The following SETD2 variants were observed in gnomAD, a reference collection of about 807,000 sequenced individuals.
The protein encoded by SETD2 is SET domain containing 2, histone lysine methyltransferase.
Under a neutral mutation model 242.1 loss-of-function variants are expected in SETD2, and 31 were observed. The observed-to-expected ratio is 0.13, with a 90% CI of 0.10 to 0.17. SETD2 has a LOEUF of 0.17. Among genes scored for constraint, SETD2 ranks in the 10% least tolerant of loss-of-function variants. SETD2 has a pLI of 1.00. For missense variants in SETD2, 2,481 were observed against 3,046.3 expected, an observed-to-expected ratio of 0.81 and a Z score of 4.37; for synonymous variants, 1,006 against 1,066.5, an observed-to-expected ratio of 0.94 and a Z score of 1.11.
chr3:47,140,285 G>A (rs2043696037), intron 1 of SETD2, among the ~76,000 whole-genome samples: 1 of 152,124 alleles, frequency 6.6e-6, no homozygotes, highest in Admixed American at 6.6e-5. Context: ...TAAAGTGAAT[G>A]ATATTCACCT....
chr3:47,122,096 A>C lies in SETD2; in HGVS notation c.2540T>G (p.Phe847Cys). The change falls in exon 3 of 21, where the codon TTT becomes TGT. Residue 847 changes from phenylalanine to cysteine, a missense_variant. Around this residue, in one of 17 missense-constraint regions of SETD2, gnomAD observed 1,300 missense variants for 1,259.2 expected, o/e 1.03. Coordinates refer to ENST00000409792, the MANE Select transcript of SETD2 (RefSeq NM_014159.7). Reference protein sequence around the residue: ...DSRNLTDHSKFACEEYKQSIG... With the variant: ...DSRNLTDHSKCACEEYKQSIG... The stretch of plus-strand genomic sequence containing the variant: ...GCTCTGCTTATATTCTTCACATGCA[A>C]ATTTTGAGTGATCTGTCAAATTTCT... The C allele has an allele frequency of 6.2e-7, 1 of 1,613,962 alleles. No homozygotes were observed. The highest frequency in any genetic ancestry group is 1.1e-5 in the South Asian group (1 of 91,080).
rs1422726557 is a variant in SETD2, at chr3:47,147,908, ACT to A, written c.71+15944_71+15945del. On this transcript the variant is annotated intron_variant, in intron 1 of 20. Transcript: ENST00000409792. ...ACGCCAGCCTGGGCGACAGAGCAAGACTCTGTCTCAAAAAAAAAAAAAAAAAA... is the reference window on the plus strand; with the variant it reads ...ACGCCAGCCTGGGCGACAGAGCAAGACTGTCTCAAAAAAAAAAAAAAAAAA... Among the ~76,000 whole-genome samples, 99 of 126,202 alleles carry A rather than the reference ACT, an allele frequency of 7.8e-4. 1 individual carries two copies. Among genetic ancestry groups the A allele is most frequent in the African/African-American group, 2.8e-3 (91 of 31,984 alleles). 82.8% of individuals were successfully genotyped at this position (126,202 alleles called of 152,430 possible). A position where few individuals can be genotyped will look rare whatever the true frequency, so the allele number is the denominator to read the frequency against.
Position 47,123,549 on chromosome 3 carries a change from G to A in SETD2, c.1087C>T (p.Leu363=), listed in dbSNP as rs2106706504. The A allele has an allele frequency of 1.3e-6, 2 of 1,550,438 alleles. No homozygotes were observed. The highest frequency in any genetic ancestry group is 2.4e-5 in the South Asian group (2 of 84,054). Residue 363 remains leucine (L), a synonymous_variant, in exon 3 of 21, where the codon CTA becomes TTA. Coordinates refer to ENST00000409792, the MANE Select transcript of SETD2 (RefSeq NM_014159.7). ...GTTTTAGATCGTGAAGGTTTCCCTA[G>A]ATCCTCACTTTTTAAAGGTGCTGAG... is the stretch of plus-strand genomic sequence containing the variant. ...KSSAPLKSED[L]GKPSRSKTDR...
At chr3:47,100,936 G>T (rs1409704155) in intron 8 of SETD2, among the ~76,000 whole-genome samples, 1 of 150,346 alleles carries the variant, frequency 6.7e-6, no homozygotes, top group Non-Finnish European at 1.5e-5. Flanking sequence ...CATGAACCTG[G>T]GAGGCGGAGC....
chr3:47,034,887 G>A (rs2038931984), intron 18 of SETD2, among the ~76,000 whole-genome samples: 1 of 152,188 alleles, frequency 6.6e-6, no homozygotes, highest in Non-Finnish European at 1.5e-5. Context: ...AGAGTGAGAT[G>A]AAGTTCAGAT....
chr3:47,140,727 G>A (rs957944712), intron 1 of SETD2, among the ~76,000 whole-genome samples: 1 of 152,090 alleles, frequency 6.6e-6, no homozygotes, highest in African/African-American at 2.4e-5. Context: ...CAGGCATGGT[G>A]GCAGTCATCT....
At chr3:47,163,342 G>A (rs891268999) in intron 1 of SETD2, 2 of 152,270 alleles carry the variant, frequency 1.3e-5, no homozygotes, top group African/African-American at 4.8e-5. Flanking sequence ...ACCCGCGCTA[G>A]GCCCTTCCGG....
chr3:47,126,577 T>C (rs1241123568), intron 2 of SETD2, 71 bp downstream of exon 2: 2 of 768,542 alleles, frequency 2.6e-6, no homozygotes, highest in Non-Finnish European at 4.2e-6. Context: ...TTTTCAGCTT[T>C]TACCCAATTT....
intron 15 of SETD2, 139 bp from the exon 16 acceptor site, chr3:47,046,760 G>A (rs1575683202): frequency 1.6e-6 from 1 of 626,408 alleles, no homozygotes. Context: ...ACATAAATGT[G>A]CAAAACAATT....
intron 12 of SETD2, among the ~76,000 whole-genome samples, chr3:47,069,004 A>G (rs1335284906): frequency 6.6e-6 from 1 of 151,776 alleles, no homozygotes; most frequent in African/African-American, 2.4e-5. Flanking sequence ...CATGTTGGCC[A>G]GACTGGTCTC....
At chr3:47,159,078 C>T (rs1354052371) in intron 1 of SETD2, among the ~76,000 whole-genome samples, 1 of 151,896 alleles carries the variant, frequency 6.6e-6, no homozygotes, top group African/African-American at 2.4e-5. Context: ...AGGCTGAAGA[C>T]CAGCCTGGGG....
chr3:47,120,358 T>C lies in SETD2; in HGVS notation c.4278A>G (p.Lys1426=), dbSNP rs1297428621. ...ESDGELQDRK[K]VRVEVEQGET... is the part of the protein sequence containing the mutation. ...CTCCCTGCTCTACCTCCACTCTAAC[T>C]TTCTTTCTGTCCTGAAGCTCACCAT... Residue 1426 remains lysine, a synonymous_variant, in exon 3 of 21, where the codon AAA becomes AAG. Coordinates refer to ENST00000409792, the MANE Select transcript of SETD2 (RefSeq NM_014159.7). 1 of 1,613,258 alleles carries C rather than the reference T, an allele frequency of 6.2e-7. No homozygotes were observed. The highest frequency in any genetic ancestry group is 1.3e-5 in the African/African-American group (1 of 74,852).
intron 12 of SETD2, among the ~76,000 whole-genome samples, chr3:47,076,260 T>C (rs946465059): frequency 2.6e-5 from 4 of 152,168 alleles, no homozygotes; most frequent in Non-Finnish European, 5.9e-5. Context: ...GCAGCAGAGG[T>C]CTACTGCCTG....
At chr3:47,151,634 C>G (rs891646310) in intron 1 of SETD2, among the ~76,000 whole-genome samples, 1 of 151,998 alleles carries the variant, frequency 6.6e-6, no homozygotes, top group African/African-American at 2.4e-5. Flanking sequence ...TCGAGACCAG[C>G]CTAGCCAACA....
intron 3 of SETD2, chr3:47,119,526 C>G (rs965390931): frequency 5.8e-6 from 1 of 172,996 alleles, no homozygotes; most frequent in Non-Finnish European, 1.2e-5. Context: ...CGGCCTTTCT[C>G]GTGTTATTCT....
chr3:47,111,714 T>C (rs1418905741), intron 5 of SETD2, among the ~76,000 whole-genome samples: 4 of 148,804 alleles, frequency 2.7e-5, no homozygotes, highest in Admixed American at 6.7e-5. Flanking sequence ...CCCAAAAGGA[T>C]AGATTAATAT....
chr3:47,083,252 C>T (rs1379077080), intron 12 of SETD2, among the ~76,000 whole-genome samples: 2 of 152,092 alleles, frequency 1.3e-5, no homozygotes, highest in Admixed American at 6.6e-5. Flanking sequence ...GAAGTGAATA[C>T]GAACTAGTTC....
chr3:47,120,832 A>G lies in SETD2; in HGVS notation c.3804T>C (p.Ser1268=). The stretch of plus-strand genomic sequence containing the variant: ...TACTGTCAGGTTGCTGATACGTGGT[A>G]GAAGGCTTTTCTTGAGAGAAGTCCC... ...LGWDFSQEKP[S]TTYQQPDSSY... is the part of the protein sequence containing the mutation. The change falls in exon 3 of 21, where the codon TCT becomes TCC. Residue 1268 remains serine, a synonymous_variant. Transcript: ENST00000409792. 6.2e-7 allele frequency: 1 copy of G among 1,614,254 alleles called. No individual in the cohort carries two copies. The highest frequency in any genetic ancestry group is 8.5e-7 in the Non-Finnish European group (1 of 1,180,046).
rs564326376 is a variant in SETD2 at position 47,092,550 on chromosome 3, TAG to T, written c.5143-4305_5143-4304del. On this transcript the variant is annotated intron_variant, in intron 9 of 20. Transcript: ENST00000409792. ...ACATTATATATTTATCTGTAATTTA[TAG>T]ATAGTATATATTTACTATATATAGT... 3.2e-3 allele frequency among the ~76,000 whole-genome samples: 484 copies of T among 149,318 alleles called. 2 individuals carry two copies. Among genetic ancestry groups the T allele is most frequent in the African/African-American group, 0.011 (452 of 41,008 alleles).
Sources: allele counts gnomAD v4.1 joint callset (sites outside exome capture counted in the v4.1 genomes callset), GRCh38; gene constraint gnomAD v4.1.1; regional missense constraint gnomAD v4.1.1; transcripts MANE v1.5; gene names NCBI Gene and HGNC (gene_info 2026-07-23, HGNC 2026-07-21).